SYT13: variants seen among roughly 807,000 people sequenced by gnomAD.
SYT13 encodes the protein synaptotagmin 13.
SYT13 carries 21 observed loss-of-function variants against 38.6 expected under a neutral mutation model. The ratio of observed to expected loss-of-function variants is 0.54; its 90% CI spans 0.39 to 0.78. The LOEUF (loss-of-function observed/expected upper bound fraction) is 0.78, where lower values mean the gene tolerates loss of function less well. SYT13 is among the 30% of genes least tolerant of loss of function. The probability of loss-of-function intolerance (pLI) is 0.00; values close to 1 mark genes in which losing one functional copy is unlikely to be tolerated. For missense variants in SYT13, 495 were observed against 548.7 expected, an observed-to-expected ratio of 0.90 and a Z score of 0.98; for synonymous variants, 241 against 237.6, an observed-to-expected ratio of 1.01 and a Z score of -0.13.
intron 1 of SYT13, among the ~76,000 whole-genome samples, chr11:45,284,644 C>T (rs1466856024): frequency 6.6e-6 from 1 of 152,020 alleles, no homozygotes; most frequent in African/African-American, 2.4e-5. Flanking sequence ...GTGGTTCTCT[C>T]TAGGAAGGGG....
chr11:45,268,349 C>T (rs1854909142), intron 1 of SYT13, among the ~76,000 whole-genome samples: 1 of 128,914 alleles, frequency 7.8e-6, no homozygotes, highest in African/African-American at 3.0e-5. Context: ...GGAATAAGTG[C>T]TGTCGAGACC....
chr11:45,275,494 T>A (rs1314831590), intron 1 of SYT13, among the ~76,000 whole-genome samples: 1 of 152,246 alleles, frequency 6.6e-6, no homozygotes, highest in African/African-American at 2.4e-5. Context: ...GGTACTCCAT[T>A]ATTTTAAGGG....
At chr11:45,258,314 C>T (rs973762838) in intron 1 of SYT13, 2 of 152,196 alleles carry the variant, frequency 1.3e-5, no homozygotes, top group Non-Finnish European at 2.9e-5. Flanking sequence ...AAAATCAGGT[C>T]CCCTTTGCAC....
chr11:45,252,382 C>G lies in SYT13; in HGVS notation c.846+39G>C. ...CCAGGTTCTGCCATCCCATGCTGCACGGGCAGGTTTTACCTTTCTAACCCA... is the reference window on the plus strand; with the variant it reads ...CCAGGTTCTGCCATCCCATGCTGCAGGGGCAGGTTTTACCTTTCTAACCCA... On this transcript the variant is annotated intron_variant, in intron 4 of 5. Coordinates refer to ENST00000020926, the MANE Select transcript of SYT13 (RefSeq NM_020826.3). The surrounding 1 kb of genome is among the most constrained non-coding windows in gnomAD (Gnocchi z 4.3). 1.3e-6 allele frequency: 2 copies of G among 1,519,784 alleles called. No individual in the cohort carries two copies. The highest frequency in any genetic ancestry group is 1.8e-6 in the Non-Finnish European group (2 of 1,134,634). 94.1% of individuals were successfully genotyped at this position (1,519,784 alleles called of 1,614,324 possible).
intron 5 of SYT13, 145 bp from the exon 6 acceptor site, chr11:45,244,501 A>G (rs1854592018): frequency 2.1e-6 from 2 of 966,714 alleles, no homozygotes; most frequent in Non-Finnish European, 3.0e-6. Flanking sequence ...ATACCCAAAC[A>G]TCTTAGAGGC....
chr11:45,257,988 T>A (rs1854768810), intron 1 of SYT13, among the ~76,000 whole-genome samples: 1 of 152,236 alleles, frequency 6.6e-6, no homozygotes. Context: ...TCAGAAACAC[T>A]GCACAGTAGA....
At chr11:45,285,760 G>A (rs903786833) in intron 1 of SYT13, 4 of 682,984 alleles carry the variant, frequency 5.9e-6, no homozygotes, top group African/African-American at 3.5e-5. Flanking sequence ...TTTAGGTCTC[G>A]CTGCTGGCCC....
At chr11:45,275,478 G>T (rs1854999704) in intron 1 of SYT13, among the ~76,000 whole-genome samples, 1 of 152,146 alleles carries the variant, frequency 6.6e-6, no homozygotes, top group Non-Finnish European at 1.5e-5. Flanking sequence ...TCAGAAAGCA[G>T]GCACTGGTAC....
At chr11:45,285,162 A>T (rs1182642558) in intron 1 of SYT13, among the ~76,000 whole-genome samples, 1 of 152,210 alleles carries the variant, frequency 6.6e-6, no homozygotes, top group South Asian at 2.1e-4. Flanking sequence ...TCCAGAGAAC[A>T]TTCTGCATTC....
At chr11:45,257,467 C>T (rs971737396) in intron 1 of SYT13, among the ~76,000 whole-genome samples, 3 of 152,198 alleles carry the variant, frequency 2.0e-5, no homozygotes, top group Non-Finnish European at 4.4e-5. Flanking sequence ...CTCCCATCTC[C>T]ATGGCTGAAG....
chr11:45,267,779 A>G (rs1037998885), intron 1 of SYT13, among the ~76,000 whole-genome samples: 6 of 152,124 alleles, frequency 3.9e-5, no homozygotes, highest in Admixed American at 6.5e-5. Flanking sequence ...TGGGAGTGGG[A>G]GAGAGGTGAC....
rs1854545768 is a variant in SYT13 at position 45,241,141 on chromosome 11, T to C, written c.*2911A>G. The C allele has an allele frequency of 6.6e-6, 1 of 152,242 alleles. No individual in the cohort carries two copies. Among genetic ancestry groups the C allele is most frequent in the East Asian group, 1.9e-4 (1 of 5,198 alleles). The allele number at this position is 152,242 out of a possible 1,614,324, so 9.4% of individuals were successfully genotyped here. On this transcript the variant is annotated 3_prime_UTR_variant, in exon 6 of 6. Transcript: ENST00000020926. ...AGGCAAATAGTAATACTCATTGTCA[T>C]GAATTTCTAGCTTGACTGCTAAGAC...
chr11:45,244,438 G>T, intron 5 of SYT13, 82 bp from the exon 6 acceptor site: 2 of 1,486,584 alleles, frequency 1.3e-6, no homozygotes, highest in South Asian at 2.6e-5. Context: ...CCAGGACAAA[G>T]CTCCCTCCTG....
At chr11:45,255,956 A>G (rs1854741486) in intron 1 of SYT13, 65 bp from the exon 2 acceptor site, 2 of 1,537,118 alleles carry the variant, frequency 1.3e-6, no homozygotes. Context: ...CCCCCATGGA[A>G]GGGAGAAACG....
intron 1 of SYT13, among the ~76,000 whole-genome samples, chr11:45,274,967 C>G (rs757630165): frequency 6.6e-6 from 1 of 152,078 alleles, no homozygotes. Flanking sequence ...AGGAGAGAAA[C>G]CTGTAAAAAG....
chr11:45,269,363 A>G (rs753881334), intron 1 of SYT13: 24 of 940,530 alleles, frequency 2.6e-5, no homozygotes, highest in Non-Finnish European at 3.2e-5. Context: ...CAAACAAACA[A>G]AAAACTCCGT....
chr11:45,251,817 T>G (rs1462884738), intron 4 of SYT13, among the ~76,000 whole-genome samples: 1 of 152,210 alleles, frequency 6.6e-6, no homozygotes, highest in Non-Finnish European at 1.5e-5. Context: ...GTCTGGGGAT[T>G]GCATGGACCA....
chr11:45,264,926 G>C (rs7114339), intron 1 of SYT13, among the ~76,000 whole-genome samples: 1 of 152,030 alleles, frequency 6.6e-6, no homozygotes, highest in African/African-American at 2.4e-5. Flanking sequence ...TGGAAAACTG[G>C]AAGTTTCTTA....
intron 2 of SYT13, chr11:45,254,789 G>C (rs1436498964): frequency 6.0e-6 from 1 of 165,290 alleles, no homozygotes; most frequent in East Asian, 1.7e-4. Context: ...TCTTGATGTG[G>C]ATGCTGATGA....
Sources: allele counts gnomAD v4.1 joint callset (sites outside exome capture counted in the v4.1 genomes callset), GRCh38; gene constraint gnomAD v4.1.1; non-coding constraint Gnocchi (gnomAD v3.1); transcripts MANE v1.5; gene names NCBI Gene and HGNC (gene_info 2026-07-23, HGNC 2026-07-21).